FAAH2: variants seen among roughly 807,000 people sequenced by gnomAD.
The protein encoded by FAAH2 is fatty-acid amide hydrolase 2.
Under a neutral mutation model 36.9 loss-of-function variants are expected in FAAH2, and 60 were observed. The observed-to-expected ratio is 1.63, with a 90% CI of 1.32 to 2.02. The LOEUF is 2.02. Among genes scored for constraint, FAAH2 ranks in the 30% most tolerant of loss-of-function variants. FAAH2 has a pLI of 0.00. For missense variants in FAAH2, 689 were observed against 397.5 expected, an observed-to-expected ratio of 1.73 and a Z score of -6.23; for synonymous variants, 214 against 143.8, an observed-to-expected ratio of 1.49 and a Z score of -3.49.
chrX:57,349,278 C>A (rs1179539133), intron 5 of FAAH2, among the ~76,000 whole-genome samples: 1 of 92,032 alleles, frequency 1.1e-5, no homozygotes, highest in South Asian at 4.7e-4. Flanking sequence ...TACATATATA[C>A]ATATATACAT....
chrX:57,329,190 G>T (rs762686338), intron 3 of FAAH2, among the ~76,000 whole-genome samples: 1 of 112,395 alleles, frequency 8.9e-6, no homozygotes, highest in African/African-American at 3.2e-5. Flanking sequence ...TGACTGCATT[G>T]CCTTTTGTGG....
the FAAH2 span, among the ~76,000 whole-genome samples, chrX:57,216,565 C>T: frequency 0.22 from 4,456 of 20,275 alleles, 918 homozygotes; most frequent in Admixed American, 0.3. Context: ...TATATATATA[C>T]GTATATGTAT....
intron 7 of FAAH2, among the ~76,000 whole-genome samples, chrX:57,409,270 G>A (rs2055641591): frequency 1.8e-5 from 2 of 111,458 alleles, no homozygotes; most frequent in African/African-American, 6.5e-5. Flanking sequence ...TAATTGTTTT[G>A]TATTATCCTT....
chrX:57,295,839 C>G (rs927842327), intron 2 of FAAH2, among the ~76,000 whole-genome samples: 1 of 112,543 alleles, frequency 8.9e-6, no homozygotes, highest in African/African-American at 3.2e-5. Context: ...GGTCCTACGC[C>G]CACGGAGCCT....
intron 4 of FAAH2, among the ~76,000 whole-genome samples, chrX:57,333,081 C>T (rs1023219445): frequency 3.1e-4 from 34 of 110,982 alleles, no homozygotes; most frequent in Non-Finnish European, 5.7e-4. Context: ...TCCTTGTCTC[C>T]ACACACCTTA....
chrX:57,218,725 G>A, the FAAH2 span, among the ~76,000 whole-genome samples: 2 of 111,731 alleles, frequency 1.8e-5, no homozygotes, highest in African/African-American at 6.5e-5. Flanking sequence ...GAATGAATTA[G>A]GGAGGGTTCC....
chrX:57,282,612 G>A (rs1315235775), upstream of FAAH2, among the ~76,000 whole-genome samples: 1 of 111,937 alleles, frequency 8.9e-6, no homozygotes, highest in African/African-American at 3.3e-5. Context: ...AATGTTTTCA[G>A]CAGTCTAAGC....
At chrX:57,358,348 C>A (rs2054210463) in intron 5 of FAAH2, among the ~76,000 whole-genome samples, 1 of 110,331 alleles carries the variant, frequency 9.1e-6, no homozygotes, top group Non-Finnish European at 1.9e-5. Context: ...AATAGCAATT[C>A]CCCATTTCTC....
At chrX:57,419,587 T>A (rs1480245813) in intron 7 of FAAH2, among the ~76,000 whole-genome samples, 15 of 111,852 alleles carry the variant, frequency 1.3e-4, no homozygotes, top group Admixed American at 1.9e-4. Context: ...CTTGTAAATT[T>A]GTTTGAGTTC....
At chrX:57,439,431 C>A (rs2056494449) in intron 8 of FAAH2, among the ~76,000 whole-genome samples, 1 of 111,371 alleles carries the variant, frequency 9.0e-6, no homozygotes, top group African/African-American at 3.3e-5. Flanking sequence ...TATCCTTCGC[C>A]CACTTTTTGA....
At chrX:57,343,413 A>G (rs2053739489) in intron 5 of FAAH2, among the ~76,000 whole-genome samples, 1 of 111,377 alleles carries the variant, frequency 9.0e-6, no homozygotes, top group Non-Finnish European at 1.9e-5. Flanking sequence ...CTGCTTGTAC[A>G]TCTTCTTTTG....
intron 5 of FAAH2, among the ~76,000 whole-genome samples, chrX:57,341,905 C>T (rs2053697285): frequency 9.0e-6 from 1 of 111,064 alleles, no homozygotes; most frequent in African/African-American, 3.3e-5. Flanking sequence ...ACTGTTTTTT[C>T]AATGAATTCA....
chrX:57,274,352 C>T, the FAAH2 span, among the ~76,000 whole-genome samples: 1 of 112,109 alleles, frequency 8.9e-6, no homozygotes, highest in Non-Finnish European at 1.9e-5. Context: ...TGCTACCATT[C>T]CTTCTGAAAC....
chrX:57,319,610 GATTCA>G (rs1569255278), intron 3 of FAAH2, among the ~76,000 whole-genome samples: 1 of 111,864 alleles, frequency 8.9e-6, no homozygotes, highest in African/African-American at 3.2e-5. Context: ...GTAATTTATA[GATTCA>G]ATGCTATCCC....
chrX:57,301,128 T>G (rs865966742), intron 2 of FAAH2, among the ~76,000 whole-genome samples: 2 of 108,644 alleles, frequency 1.8e-5, no homozygotes, highest in East Asian at 5.8e-4. Flanking sequence ...ACCCAAAGGA[T>G]TATAAATCAT....
intron 7 of FAAH2, among the ~76,000 whole-genome samples, chrX:57,416,607 G>A (rs2055850420): frequency 8.9e-6 from 1 of 112,077 alleles, no homozygotes; most frequent in South Asian, 3.7e-4. Context: ...CAGTTTGTGT[G>A]ATGGGCTTCT....
At chrX:57,197,180 T>C in the FAAH2 span, among the ~76,000 whole-genome samples, 1 of 112,127 alleles carries the variant, frequency 8.9e-6, no homozygotes, top group Non-Finnish European at 1.9e-5. Context: ...ATTTTCACTG[T>C]ATTTTGCATT....
rs1199183555 is a variant in FAAH2, at chrX:57,439,730, T to A, written c.1117-7198T>A. ...GGTTTTCTTCTAGGGTTTTTATGGT[T>A]TTAGGTCTAACGTTTAAGTCTTTAA... On this transcript the variant is annotated intron_variant, in intron 8 of 10. Coordinates refer to ENST00000374900, the MANE Select transcript of FAAH2 (RefSeq NM_174912.4). Among the ~76,000 whole-genome samples the A allele has an allele frequency of 8.0e-5, 9 of 112,135 alleles. No homozygotes were observed. In the East Asian group the frequency reaches 1.7e-3, roughly 21 times the overall value.
chrX:57,260,726 A>T, the FAAH2 span, among the ~76,000 whole-genome samples: 1 of 110,876 alleles, frequency 9.0e-6, no homozygotes. Context: ...TTAAACAAAC[A>T]CTAGGGATCA....
Sources: gnomAD v4.1 joint callset for allele counts (sites outside exome capture counted in the v4.1 genomes callset) on GRCh38, gnomAD v4.1.1 for gene constraint, MANE v1.5 for transcripts, NCBI Gene and HGNC (gene_info 2026-07-23, HGNC 2026-07-21) for gene names.